Variants in PGBD2 observed in about 807,000 individuals in gnomAD.
PGBD2 encodes piggyBac transposable element-derived protein 2.
Under a neutral mutation model 8.1 loss-of-function variants are expected in PGBD2, and 6 were observed. That is an observed-to-expected ratio of 0.74 (90% CI 0.40 to 1.46). PGBD2 has a LOEUF of 1.46. Ranked by LOEUF, PGBD2 falls within the 40% of genes most tolerant of loss-of-function variation. The probability of loss-of-function intolerance (pLI) is 0.02; values close to 1 mark genes in which losing one functional copy is unlikely to be tolerated. For missense variants in PGBD2, 802 were observed against 739.0 expected (o/e 1.09, Z -0.99); for synonymous variants, 318 against 272.2 (o/e 1.17, Z -1.66).
chr1:248,873,700 C>G, the PGBD2 span, among the ~76,000 whole-genome samples: 1 of 152,194 alleles, frequency 6.6e-6, no homozygotes. Context: ...GCATTGCAGT[C>G]GCGGCTTTCT....
At chr1:248,897,192 G>A in the PGBD2 span, among the ~76,000 whole-genome samples, 1 of 149,660 alleles carries the variant, frequency 6.7e-6, no homozygotes, top group East Asian at 1.9e-4. Context: ...ATGTGAAGGT[G>A]CTTTTTACCT....
Position 248,916,950 on chromosome 1 carries a change from C to G in PGBD2, c.366C>G (p.Gly122=). Residue 122 remains glycine (G), a synonymous_variant, in exon 3 of 3, where the codon GGC becomes GGG. Coordinates refer to ENST00000329291, the MANE Select transcript of PGBD2 (RefSeq NM_170725.3). ...AAAGAGATATTCGTCCAGACTTTGG[C>G]AGTTGGACTGCATCAGATCCTCATA... is the stretch of plus-strand genomic sequence containing the variant. ...WTKRDIRPDF[G]SWTASDPHIE... is the part of the protein sequence containing the mutation. The G allele has an allele frequency of 6.2e-7, 1 of 1,613,474 alleles. No individual in the cohort carries two copies.
intron 1 of PGBD2, among the ~76,000 whole-genome samples, chr1:248,907,317 C>CCT (rs772152041): frequency 6.6e-6 from 1 of 152,206 alleles, no homozygotes; most frequent in Non-Finnish European, 1.5e-5. Flanking sequence ...TGTCTTGCCT[C>CCT]CTGCCATAGG....
At chr1:248,886,709 G>C in the PGBD2 span, among the ~76,000 whole-genome samples, 1 of 152,188 alleles carries the variant, frequency 6.6e-6, no homozygotes, top group Non-Finnish European at 1.5e-5. Context: ...CTCCAGCTGT[G>C]TGGCCCCAGC....
the PGBD2 span, among the ~76,000 whole-genome samples, chr1:248,873,098 G>A: frequency 6.6e-6 from 1 of 152,190 alleles, no homozygotes; most frequent in African/African-American, 2.4e-5. Flanking sequence ...TGTGTTCCCA[G>A]TGGACACTCG....
At chr1:248,875,209 T>C in the PGBD2 span, among the ~76,000 whole-genome samples, 1 of 145,980 alleles carries the variant, frequency 6.9e-6, no homozygotes, top group Non-Finnish European at 1.5e-5. Flanking sequence ...GGCAGGAGAA[T>C]GGCGTGAACC....
the PGBD2 span, among the ~76,000 whole-genome samples, chr1:248,880,093 A>C: frequency 6.6e-6 from 1 of 152,212 alleles, no homozygotes; most frequent in Admixed American, 6.5e-5. Flanking sequence ...TTGGCAAGAC[A>C]TTAAACGAGA....
At chr1:248,873,038 C>T in the PGBD2 span, among the ~76,000 whole-genome samples, 1 of 151,736 alleles carries the variant, frequency 6.6e-6, no homozygotes, top group East Asian at 1.9e-4. Flanking sequence ...CTGGTCATCT[C>T]CTTCACTAGC....
chr1:248,908,465 C>T (rs1252750189), intron 1 of PGBD2, among the ~76,000 whole-genome samples: 1 of 151,722 alleles, frequency 6.6e-6, no homozygotes, highest in East Asian at 2.0e-4. Context: ...CAGCTTTCTC[C>T]CCTGCCCTAC....
chr1:248,908,198 A>T (rs1180072168), intron 1 of PGBD2, among the ~76,000 whole-genome samples: 1 of 152,106 alleles, frequency 6.6e-6, no homozygotes, highest in African/African-American at 2.4e-5. Flanking sequence ...CCTTGGAGAA[A>T]TTTACATTTT....
intron 2 of PGBD2, among the ~76,000 whole-genome samples, chr1:248,914,174 C>T (rs1468872862): frequency 6.6e-6 from 1 of 152,198 alleles, no homozygotes; most frequent in Admixed American, 6.5e-5. Context: ...CCTGGGGCCA[C>T]CTCAGTCCCC....
At chr1:248,908,285 T>C (rs1445551673) in intron 1 of PGBD2, among the ~76,000 whole-genome samples, 1 of 152,084 alleles carries the variant, frequency 6.6e-6, no homozygotes, top group Non-Finnish European at 1.5e-5. Context: ...TCACACCAAG[T>C]TGCTTTTTCT....
At chr1:248,925,622 A>G in the PGBD2 span, among the ~76,000 whole-genome samples, 1 of 150,164 alleles carries the variant, frequency 6.7e-6, no homozygotes, top group Non-Finnish European at 1.5e-5. Flanking sequence ...ATAAGTTCAC[A>G]GAGGCCAAAG....
upstream of PGBD2, among the ~76,000 whole-genome samples, chr1:248,905,350 C>A (rs1282464037): frequency 6.6e-6 from 1 of 152,204 alleles, no homozygotes; most frequent in African/African-American, 2.4e-5. Flanking sequence ...CAAAGCCTTT[C>A]AGGGCAAGGC....
At chr1:248,925,475 G>A in the PGBD2 span, among the ~76,000 whole-genome samples, 79 of 152,196 alleles carry the variant, frequency 5.2e-4, no homozygotes, top group African/African-American at 1.7e-3. Flanking sequence ...CTGTGCAACC[G>A]GTGGCTTTTC....
chr1:248,908,052 G>A (rs1037603674), intron 1 of PGBD2, among the ~76,000 whole-genome samples: 19 of 152,094 alleles, frequency 1.2e-4, no homozygotes, highest in African/African-American at 3.4e-4. Flanking sequence ...TTTCCTAGGG[G>A]TTAACATCTT....
At chr1:248,905,834 T>G (rs1377236822), upstream of PGBD2, among the ~76,000 whole-genome samples, 1 of 152,166 alleles carries the variant, frequency 6.6e-6, no homozygotes, top group Non-Finnish European at 1.5e-5. Context: ...TCAGGGTTGG[T>G]AAGGCCGATT....
downstream of PGBD2, chr1:248,919,252 G>C (rs1662232865): frequency 6.0e-6 from 1 of 166,368 alleles, no homozygotes; most frequent in Non-Finnish European, 1.5e-5. Context: ...CCCTTTCCAA[G>C]CTCTGGTAAC....
the PGBD2 span, among the ~76,000 whole-genome samples, chr1:248,875,035 C>T: frequency 6.6e-6 from 1 of 152,076 alleles, no homozygotes; most frequent in African/African-American, 2.4e-5. Flanking sequence ...CGGTGGCTGA[C>T]GCCTGTAATC....
Sources: gnomAD v4.1 joint callset for allele counts (sites outside exome capture counted in the v4.1 genomes callset) on GRCh38, gnomAD v4.1.1 for gene constraint, MANE v1.5 for transcripts, NCBI Gene and HGNC (gene_info 2026-07-23, HGNC 2026-07-21) for gene names.